The following MRPL48 variants were observed in gnomAD, a reference collection of about 807,000 sequenced individuals.
The protein encoded by MRPL48 is mitochondrial ribosomal protein L48, also known as large ribosomal subunit protein mL48.
A neutral mutation model predicts 32.9 loss-of-function variants in MRPL48; 16 were observed. The observed-to-expected ratio is 0.49, with a 90% confidence interval of 0.33 to 0.74. The LOEUF (loss-of-function observed/expected upper bound fraction) is 0.74. MRPL48 is among the 30% of genes least tolerant of loss of function. MRPL48 has a pLI of 0.02. For missense variants in MRPL48, 206 were observed against 245.3 expected (o/e 0.84, Z 1.07); for synonymous variants, 94 against 89.2 (o/e 1.05, Z -0.31).
chr11:73,808,493 T>G, intron 3 of MRPL48, 143 bp downstream of exon 3: 5 of 772,608 alleles, frequency 6.5e-6, no homozygotes, highest in Non-Finnish European at 1.1e-5. Flanking sequence ...GAGCATGGAA[T>G]AGAACCATGG....
chr11:73,810,453 G>A (rs534484472), intron 3 of MRPL48, among the ~76,000 whole-genome samples: 20 of 152,206 alleles, frequency 1.3e-4, no homozygotes, highest in Middle Eastern at 3.4e-3. Context: ...CTTGGGAGGC[G>A]GAGGTTGCAG....
intron 5 of MRPL48, among the ~76,000 whole-genome samples, chr11:73,854,025 T>G (rs1463930335): frequency 6.6e-6 from 1 of 152,144 alleles, no homozygotes; most frequent in Non-Finnish European, 1.5e-5. Context: ...CAAAGAACAT[T>G]AAATGTCAAT....
chr11:73,801,693 AC>A (rs1947366242), intron 1 of MRPL48, among the ~76,000 whole-genome samples: 1 of 152,088 alleles, frequency 6.6e-6, no homozygotes, highest in Non-Finnish European at 1.5e-5. Flanking sequence ...TGTCAGAGAA[AC>A]CCAAGACCCT....
At chr11:73,848,111 G>GTT (rs1459369180) in intron 5 of MRPL48, among the ~76,000 whole-genome samples, 1 of 151,530 alleles carries the variant, frequency 6.6e-6, no homozygotes, top group African/African-American at 2.4e-5. Context: ...AAGTTCTATA[G>GTT]TTTTAAGTAT....
intron 3 of MRPL48, among the ~76,000 whole-genome samples, chr11:73,810,811 G>T (rs1947554341): frequency 6.6e-6 from 1 of 151,590 alleles, no homozygotes; most frequent in South Asian, 2.1e-4. Flanking sequence ...TCCAGTGTTT[G>T]TTTTTCTGTG....
intron 3 of MRPL48, among the ~76,000 whole-genome samples, chr11:73,821,780 C>T (rs1947788074): frequency 6.6e-6 from 1 of 152,152 alleles, no homozygotes; most frequent in Non-Finnish European, 1.5e-5. Flanking sequence ...TAGGGCAATG[C>T]GTGGTACCTA....
At chr11:73,864,196 C>G (rs1042357156) in intron 7 of MRPL48, 100 bp from the exon 8 acceptor site, 3 of 986,116 alleles carry the variant, frequency 3.0e-6, no homozygotes, top group Admixed American at 4.2e-5. Flanking sequence ...GAATGATTCT[C>G]TACAGAGCTG....
intron 3 of MRPL48, among the ~76,000 whole-genome samples, chr11:73,813,079 A>G (rs1315731529): frequency 6.6e-6 from 1 of 151,888 alleles, no homozygotes; most frequent in African/African-American, 2.4e-5. Flanking sequence ...TTTGTTAGTG[A>G]AAATTATGTC....
intron 1 of MRPL48, among the ~76,000 whole-genome samples, chr11:73,797,464 G>T (rs1023743616): frequency 6.6e-5 from 10 of 152,206 alleles, no homozygotes; most frequent in Admixed American, 4.6e-4. Context: ...AGCTCCCTGA[G>T]CCAGGGCTGT....
At chr11:73,800,822 T>C (rs1947349039) in intron 1 of MRPL48, among the ~76,000 whole-genome samples, 1 of 147,190 alleles carries the variant, frequency 6.8e-6, no homozygotes, top group Non-Finnish European at 1.5e-5. Context: ...TTTTTTTTTT[T>C]TTTTTTGAGA....
At chr11:73,796,471 T>C (rs764784282) in intron 1 of MRPL48, among the ~76,000 whole-genome samples, 2 of 152,250 alleles carry the variant, frequency 1.3e-5, no homozygotes, top group Non-Finnish European at 2.9e-5. Flanking sequence ...CTCTGGACTT[T>C]GGGCACCAAC....
rs1947070454 is a variant in MRPL48, at chr11:73,787,978, G to C, written c.7G>C (p.Gly3Arg). The C allele has an allele frequency of 1.2e-6, 2 of 1,607,274 alleles. No homozygotes were observed. Among genetic ancestry groups the C allele is most frequent in the African/African-American group, 2.7e-5 (2 of 73,138 alleles). ...GGCCGCGCAGCAGCAAAGGATGAGC[G>C]GAACCTTGGAAAAGGTAACGTAGAT... is the stretch of plus-strand genomic sequence containing the variant. MS[G>R]TLEKVLCLRN... Residue 3 changes from glycine to arginine, a missense_variant, in exon 1 of 8, where the codon GGA becomes CGA. By Grantham distance (125) the Gly-to-Arg change is moderately radical (BLOSUM62 -2). Transcript: ENST00000310614.
chr11:73,859,815 A>G (rs957403248), intron 5 of MRPL48, 92 bp from the exon 6 acceptor site: 65 of 1,028,762 alleles, frequency 6.3e-5, no homozygotes, highest in Middle Eastern at 6.3e-4. Flanking sequence ...GAACTATTGC[A>G]TGCCATAGTG....
intron 4 of MRPL48, among the ~76,000 whole-genome samples, chr11:73,837,366 G>A (rs1948121625): frequency 6.6e-6 from 1 of 150,560 alleles, no homozygotes; most frequent in Admixed American, 6.6e-5. Flanking sequence ...TTCCTTTTCT[G>A]GGTCTCAACT....
chr11:73,809,649 C>T (rs796088761), intron 3 of MRPL48, among the ~76,000 whole-genome samples: 45 of 152,298 alleles, frequency 3.0e-4, no homozygotes, highest in African/African-American at 1.0e-3. Context: ...AAATGAATGT[C>T]CATTCAGTCT....
At chr11:73,855,764 GCGTGAGCCAC>G (rs1408755245) in intron 5 of MRPL48, among the ~76,000 whole-genome samples, 1 of 152,178 alleles carries the variant, frequency 6.6e-6, no homozygotes. Context: ...GGGATTACAG[GCGTGAGCCAC>G]CGTGCCTGGC....
At chr11:73,795,687 T>TC (rs919997977) in intron 1 of MRPL48, among the ~76,000 whole-genome samples, 15 of 150,272 alleles carry the variant, frequency 1.0e-4, no homozygotes, top group Middle Eastern at 3.4e-3. Flanking sequence ...TTTTTTTTTT[T>TC]AGTAGAGATG....
At chr11:73,855,776 G>A (rs6592539) in intron 5 of MRPL48, among the ~76,000 whole-genome samples, 8,559 of 152,198 alleles carry the variant, frequency 0.056, 262 homozygotes, top group Middle Eastern at 0.11. Context: ...GTGAGCCACC[G>A]TGCCTGGCCT....
chr11:73,812,905 A>C (rs891669764), intron 3 of MRPL48, among the ~76,000 whole-genome samples: 9 of 151,154 alleles, frequency 6.0e-5, no homozygotes, highest in Admixed American at 3.3e-4. Context: ...ATGCGCCACC[A>C]TGCCTGGCTA....
Sources: allele counts gnomAD v4.1 joint callset (sites outside exome capture counted in the v4.1 genomes callset), GRCh38; gene constraint gnomAD v4.1.1; transcripts MANE v1.5; gene names NCBI Gene and HGNC (gene_info 2026-07-23, HGNC 2026-07-21).